MAPKAP1: variants seen among roughly 807,000 people sequenced by gnomAD.
MAPKAP1 encodes the protein MAPK associated protein 1.
MAPKAP1 carries 20 observed loss-of-function variants against 65.7 expected under a neutral mutation model. The ratio of observed to expected loss-of-function variants is 0.30; its 90% CI spans 0.21 to 0.44. The LOEUF (loss-of-function observed/expected upper bound fraction) is 0.44, where lower values mean the gene tolerates loss of function less well. Among genes scored for constraint, MAPKAP1 ranks in the 20% least tolerant of loss-of-function variants. The pLI is 1.00. For missense variants in MAPKAP1, 423 were observed against 648.0 expected (o/e 0.65, Z 3.77); for synonymous variants, 222 against 244.3 (o/e 0.91, Z 0.85).
intron 10 of MAPKAP1, among the ~76,000 whole-genome samples, chr9:125,448,730 C>T (rs940924982): frequency 7.2e-5 from 11 of 152,220 alleles, no homozygotes; most frequent in Admixed American, 2.0e-4. Context: ...AGATGCTGGG[C>T]GCAGTGGCTC....
chr9:125,511,069 A>G (rs1262474023), intron 7 of MAPKAP1, among the ~76,000 whole-genome samples: 1 of 152,180 alleles, frequency 6.6e-6, no homozygotes, highest in East Asian at 1.9e-4. Context: ...ACCTCACAGG[A>G]TTGTCTAAAG....
At chr9:125,571,790 G>C (rs1202393058) in intron 5 of MAPKAP1, among the ~76,000 whole-genome samples, 2 of 152,112 alleles carry the variant, frequency 1.3e-5, no homozygotes, top group Non-Finnish European at 2.9e-5. Context: ...TTGAACCTGG[G>C]AGGCAGAGAT....
chr9:125,565,497 A>G (rs975271923), intron 5 of MAPKAP1: 1 of 180,194 alleles, frequency 5.5e-6, no homozygotes, highest in African/African-American at 2.4e-5. Flanking sequence ...TTAAATGTCC[A>G]GAACTCTCAT....
At chr9:125,452,047 T>G (rs1045458327) in intron 10 of MAPKAP1, among the ~76,000 whole-genome samples, 2 of 151,918 alleles carry the variant, frequency 1.3e-5, no homozygotes, top group African/African-American at 2.4e-5. Flanking sequence ...TGACCTTGGG[T>G]GATCTGCCCG....
chr9:125,705,460 C>G (rs570892678), intron 1 of MAPKAP1, among the ~76,000 whole-genome samples: 1 of 152,158 alleles, frequency 6.6e-6, no homozygotes, highest in Non-Finnish European at 1.5e-5. Flanking sequence ...ATTCCCCTCC[C>G]GCACCTACCA....
intron 8 of MAPKAP1, among the ~76,000 whole-genome samples, chr9:125,493,390 T>C (rs1278643729): frequency 6.6e-6 from 1 of 152,242 alleles, no homozygotes; most frequent in African/African-American, 2.4e-5. Context: ...TAGCCCTTTA[T>C]TGAAGGTTCT....
At chr9:125,559,523 A>G in intron 6 of MAPKAP1, 110 bp downstream of exon 6, 1 of 925,132 alleles carries the variant, frequency 1.1e-6, no homozygotes, top group Non-Finnish European at 1.7e-6. Context: ...TTACCAGTGG[A>G]CTCTCCAGAT....
At chr9:125,509,217 A>G (rs1829230218) in intron 7 of MAPKAP1, among the ~76,000 whole-genome samples, 1 of 152,176 alleles carries the variant, frequency 6.6e-6, no homozygotes, top group Non-Finnish European at 1.5e-5. Flanking sequence ...TATGAATGTA[A>G]CAAAATATCA....
At chr9:125,522,696 T>C (rs965984733) in intron 7 of MAPKAP1, among the ~76,000 whole-genome samples, 10 of 152,218 alleles carry the variant, frequency 6.6e-5, no homozygotes, top group Non-Finnish European at 1.2e-4. Context: ...AGCCAAATTC[T>C]GGTAGATTCA....
intron 5 of MAPKAP1, among the ~76,000 whole-genome samples, chr9:125,568,162 G>A (rs1196776730): frequency 6.6e-6 from 1 of 152,116 alleles, no homozygotes; most frequent in African/African-American, 2.4e-5. Flanking sequence ...CCCAACTTAG[G>A]AGGGTTAAAG....
chr9:125,706,954 G>C lies in MAPKAP1; in HGVS notation c.-70+17C>G. The C allele has an allele frequency of 2.5e-6, 1 of 393,490 alleles. No homozygotes were observed. Among genetic ancestry groups the C allele is most frequent in the Non-Finnish European group, 4.5e-6 (1 of 223,236 alleles). The allele number at this position is 393,490 out of a possible 1,614,324, so 24.4% of individuals were successfully genotyped here. ...CTGACGGACGGGCGGGGAGCTGGCG[G>C]CTGGGGCAACCTTTACCTGAAGCTG... On this transcript the variant is annotated intron_variant, in intron 1 of 11. Coordinates refer to ENST00000265960, the MANE Select transcript of MAPKAP1 (RefSeq NM_001006617.3).
chr9:125,617,650 A>G (rs780737832), intron 4 of MAPKAP1, among the ~76,000 whole-genome samples: 56 of 152,368 alleles, frequency 3.7e-4, no homozygotes, highest in Admixed American at 7.2e-4. Flanking sequence ...TACAGACATC[A>G]ATATGGGTGA....
intron 4 of MAPKAP1, among the ~76,000 whole-genome samples, chr9:125,652,838 C>T (rs766774639): frequency 6.6e-5 from 10 of 152,210 alleles, no homozygotes; most frequent in Non-Finnish European, 1.3e-4. Flanking sequence ...CCCCACTGGA[C>T]TCCCTGAACT....
At chr9:125,640,100 TTC>T (rs1833534495) in intron 4 of MAPKAP1, among the ~76,000 whole-genome samples, 1 of 151,924 alleles carries the variant, frequency 6.6e-6, no homozygotes, top group African/African-American at 2.4e-5. Flanking sequence ...GATCATCACG[TTC>T]TGTTTATCCC....
intron 7 of MAPKAP1, chr9:125,521,621 C>T: frequency 1.3e-6 from 2 of 1,513,764 alleles, no homozygotes; most frequent in East Asian, 2.4e-5. Flanking sequence ...GGGGAACAGA[C>T]AGTAAATCCA....
chr9:125,679,475 G>A (rs1834757249), intron 1 of MAPKAP1, among the ~76,000 whole-genome samples: 1 of 152,058 alleles, frequency 6.6e-6, no homozygotes, highest in Admixed American at 6.6e-5. Flanking sequence ...AACAATCAGT[G>A]CATGTAATGG....
At chr9:125,637,217 T>G (rs1833450091) in intron 4 of MAPKAP1, among the ~76,000 whole-genome samples, 1 of 151,858 alleles carries the variant, frequency 6.6e-6, no homozygotes. Flanking sequence ...TGCAGTGAGC[T>G]GAGATCACAC....
intron 4 of MAPKAP1, among the ~76,000 whole-genome samples, chr9:125,590,239 G>A (rs1831915076): frequency 6.6e-6 from 1 of 152,222 alleles, no homozygotes. Context: ...CAGTATGCCA[G>A]AAAGGGCGTC....
chr9:125,519,504 CA>C (rs1366349989), intron 7 of MAPKAP1, among the ~76,000 whole-genome samples: 31 of 151,814 alleles, frequency 2.0e-4, no homozygotes, highest in Non-Finnish European at 4.0e-4. Flanking sequence ...TGGTAGCACA[CA>C]CTTGTCTTAG....
Sources: gnomAD v4.1 joint callset for allele counts (sites outside exome capture counted in the v4.1 genomes callset) on GRCh38, gnomAD v4.1.1 for gene constraint, MANE v1.5 for transcripts, NCBI Gene and HGNC (gene_info 2026-07-23, HGNC 2026-07-21) for gene names.